Variants in ALS2CL observed in about 807,000 individuals in gnomAD.
The protein encoded by ALS2CL is ALS2 C-terminal like.
ALS2CL carries 112 observed loss-of-function variants against 127.9 expected under a neutral mutation model. The observed-to-expected ratio is 0.88, with a 90% confidence interval of 0.75 to 1.02. The LOEUF (loss-of-function observed/expected upper bound fraction) is 1.02, where lower values mean the gene tolerates loss of function less well. ALS2CL is among the 50% of genes least tolerant of loss of function. The pLI, the probability that ALS2CL is intolerant of heterozygous loss-of-function variation, is 0.00. For missense variants in ALS2CL, 1,174 were observed against 1,236.7 expected (o/e 0.95, Z 0.76); for synonymous variants, 519 against 527.6 (o/e 0.98, Z 0.22).
At chr3:46,672,860 T>C (rs1020831586) in intron 22 of ALS2CL, among the ~76,000 whole-genome samples, 2 of 152,066 alleles carry the variant, frequency 1.3e-5, no homozygotes, top group African/African-American at 4.8e-5. Context: ...CTGGGCATGG[T>C]AGTGAGCACT....
Position 46,670,637 on chromosome 3 carries a change from T to C in ALS2CL, c.*347A>G. 1 of 307,032 alleles carries C rather than the reference T, an allele frequency of 3.3e-6. No homozygotes were observed. Among genetic ancestry groups the C allele is most frequent in the Admixed American group, 3.9e-5 (1 of 25,658 alleles). 19.0% of individuals were successfully genotyped at this position (307,032 alleles called of 1,614,324 possible). On this transcript the variant is annotated 3_prime_UTR_variant, in exon 26 of 26. Transcript: ENST00000318962. This position sits in a 1 kb window ranked among gnomAD's most constrained non-coding sequence, Gnocchi z 5.5. ...CTTTACAGCGTACTCACTCCACCAT[T>C]GTACAGATGGCAGCACTGAGGCCCG...
Position 46,676,841 on chromosome 3 carries a change from G to T in ALS2CL, c.1931+8C>A. The T allele has an allele frequency of 7.7e-7, 1 of 1,301,616 alleles. No homozygotes were observed. The highest frequency in any genetic ancestry group is 1.2e-5 in the South Asian group (1 of 86,008). The allele number at this position is 1,301,616 out of a possible 1,614,324, so 80.6% of individuals were successfully genotyped here. A position where few individuals can be genotyped will look rare whatever the true frequency, so the allele number is the denominator to read the frequency against. On this transcript the variant is annotated splice_region_variant and intron_variant, in intron 17 of 25. Transcript: ENST00000318962. Reference sequence around the variant, plus strand: ...CTAACCTGTGCATGCTCACACAGCCGGCCTCACCTCTCGCAGGACAGGTAA... The same window carrying T: ...CTAACCTGTGCATGCTCACACAGCCTGCCTCACCTCTCGCAGGACAGGTAA...
chr3:46,683,136 TG>T lies in ALS2CL; in HGVS notation c.1102del (p.His368ThrfsTer6). Reference sequence around the variant, plus strand: ...CAGAGCTCCAGCCACTCACTTGCCGTGGGGCCGGCCCCTGCACCACTCGCCC... The same window carrying T: ...CAGAGCTCCAGCCACTCACTTGCCGTGGGCCGGCCCCTGCACCACTCGCCC... ...YEGEWCRGRP[H>X]GKGTLKWPDG... is the part of the protein sequence containing the mutation. On this transcript the variant is annotated frameshift_variant, in exon 10 of 26. Coordinates refer to ENST00000318962, the MANE Select transcript of ALS2CL (RefSeq NM_147129.5). LOFTEE classifies it high-confidence loss of function. 1 of 1,563,818 alleles carries T rather than the reference TG, an allele frequency of 6.4e-7. No homozygotes were observed. The highest frequency in any genetic ancestry group is 8.6e-7 in the Non-Finnish European group (1 of 1,156,462).
intron 22 of ALS2CL, 54 bp from the exon 23 acceptor site, chr3:46,672,255 T>A (rs980041213): frequency 6.9e-6 from 11 of 1,600,830 alleles, no homozygotes; most frequent in Non-Finnish European, 9.4e-6. Flanking sequence ...AGCTCTGACA[T>A]CCCCTCCTTC....
chr3:46,683,591 T>A (rs1699530782), intron 9 of ALS2CL, among the ~76,000 whole-genome samples, 191 bp downstream of exon 9: 1 of 152,192 alleles, frequency 6.6e-6, no homozygotes, highest in Non-Finnish European at 1.5e-5. Context: ...AATTCTGTCT[T>A]TAGAAAGAAA....
intron 19 of ALS2CL, chr3:46,676,021 G>A (rs113191348): frequency 3.2e-5 from 45 of 1,409,796 alleles, no homozygotes; most frequent in African/African-American, 2.7e-4. Context: ...TCAGCCCAGC[G>A]CCTGGTTGGG....
chr3:46,674,853 GCCT>G (rs2106693355), intron 20 of ALS2CL, 114 bp from the exon 21 acceptor site: 3 of 1,056,652 alleles, frequency 2.8e-6, no homozygotes, highest in Admixed American at 3.4e-5. Flanking sequence ...CTGGCCTCCA[GCCT>G]CCTCCTCCCC....
At chr3:46,673,235 CAG>C in intron 22 of ALS2CL, 102 bp downstream of exon 22, 3 of 1,071,344 alleles carry the variant, frequency 2.8e-6, no homozygotes, top group East Asian at 2.9e-5. Flanking sequence ...TGCCCCTCCC[CAG>C]CTCCTCTGCA....
At chr3:46,680,099 C>A (rs559673457) in intron 14 of ALS2CL, 25 of 292,360 alleles carry the variant, frequency 8.6e-5, no homozygotes, top group Non-Finnish European at 1.3e-4. Context: ...GAGCTTAGCC[C>A]AGAGCCAGGT....
At chr3:46,692,749 C>T (rs1700235598) in intron 1 of ALS2CL, among the ~76,000 whole-genome samples, 1 of 152,222 alleles carries the variant, frequency 6.6e-6, no homozygotes, top group Non-Finnish European at 1.5e-5. Flanking sequence ...GGTGAGTCAG[C>T]GGCTGCCCCT....
chr3:46,680,338 C>T, intron 14 of ALS2CL, 92 bp downstream of exon 14: 2 of 1,348,866 alleles, frequency 1.5e-6, no homozygotes, highest in Non-Finnish European at 2.1e-6. Context: ...CCCCCTTTCC[C>T]ATCCCTCCCT....
rs1012295143 is a variant in ALS2CL, at chr3:46,671,830, G to T, written c.2684+54C>A. 6.8e-6 allele frequency: 11 copies of T among 1,606,150 alleles called. No homozygotes were observed. The African/African-American group carries it at 1.5e-4, about 22-fold the overall frequency. On this transcript the variant is annotated intron_variant, in intron 24 of 25. Transcript: ENST00000318962. Reference sequence around the variant, plus strand: ...TTCAGAGGTATCAGAAGATATCGTGGTTGGGGGTGGGACCCTGCCCCTGCC... The same window carrying T: ...TTCAGAGGTATCAGAAGATATCGTGTTTGGGGGTGGGACCCTGCCCCTGCC...
chr3:46,676,824 T>A, intron 17 of ALS2CL, 25 bp downstream of exon 17: 2 of 1,548,874 alleles, frequency 1.3e-6, no homozygotes, highest in Non-Finnish European at 1.8e-6. Context: ...CCCTAACCTG[T>A]GCATGCTCAC....
In ALS2CL at chr3:46,670,192, C is replaced by G. The variant is rs1339200531; in HGVS notation, c.*792G>C. On this transcript the variant is annotated 3_prime_UTR_variant, in exon 26 of 26. Transcript: ENST00000318962. The surrounding 1 kb of genome is among the most constrained non-coding windows in gnomAD (Gnocchi z 5.5). Reference sequence around the variant, plus strand: ...AGCTGCCCCAAGACCCAGCTCCTGCCTCTCTTGGTCCCACACTAGAACCAC... The same window carrying G: ...AGCTGCCCCAAGACCCAGCTCCTGCGTCTCTTGGTCCCACACTAGAACCAC... 1 of 152,216 alleles carries G rather than the reference C, an allele frequency of 6.6e-6. No individual in the cohort carries two copies. The highest frequency in any genetic ancestry group is 1.9e-4 in the East Asian group (1 of 5,196). 9.4% of individuals were successfully genotyped at this position (152,216 alleles called of 1,614,324 possible). A position where few individuals can be genotyped will look rare whatever the true frequency, so the allele number is the denominator to read the frequency against.
Position 46,686,866 on chromosome 3 carries a change from G to C in ALS2CL, c.534+117C>G. On this transcript the variant is annotated intron_variant, in intron 5 of 25. Transcript: ENST00000318962. The surrounding 1 kb of genome is among the most constrained non-coding windows in gnomAD (Gnocchi z 4.3). ...CTTCCTCAACCCTCTCCCACCTGCCGGCATGGCTGAGTCCTTCTTGTACTA... is the reference window on the plus strand; with the variant it reads ...CTTCCTCAACCCTCTCCCACCTGCCCGCATGGCTGAGTCCTTCTTGTACTA... The C allele has an allele frequency of 8.1e-7, 1 of 1,239,226 alleles. No individual in the cohort carries two copies. Among genetic ancestry groups the C allele is most frequent in the Non-Finnish European group, 1.1e-6 (1 of 938,948 alleles). 76.8% of individuals were successfully genotyped at this position (1,239,226 alleles called of 1,614,324 possible). A position where few individuals can be genotyped will look rare whatever the true frequency, so the allele number is the denominator to read the frequency against.
In ALS2CL at chr3:46,680,419, A is replaced by G. The variant is rs199798559; in HGVS notation, c.1548+11T>C. 160 of 1,610,888 alleles carry G rather than the reference A, an allele frequency of 9.9e-5. No homozygotes were observed. The African/African-American group carries it at 2.0e-3, about 20-fold the overall frequency. ...CAAAGAGAGGGATAGCCCAGGATACACTCCACTCACCACCGTCTTGTCCGC... is the reference window on the plus strand; with the variant it reads ...CAAAGAGAGGGATAGCCCAGGATACGCTCCACTCACCACCGTCTTGTCCGC... On this transcript the variant is annotated intron_variant, in intron 14 of 25. Transcript: ENST00000318962.
At chr3:46,675,422 C>T in intron 20 of ALS2CL, 196 bp downstream of exon 20, 1 of 580,552 alleles carries the variant, frequency 1.7e-6, no homozygotes, top group Non-Finnish European at 3.1e-6. Flanking sequence ...TGTAGCAGTG[C>T]CCCCTCCCTG....
In ALS2CL at chr3:46,674,650, C is replaced by T. The variant is rs756010161; in HGVS notation, c.2345G>A (p.Arg782Gln). ...GCCCTGGCTGTAGAAGCTGTCCTCCCGCTCATGAAGCAGCAGGTAGAGCGT... is the reference window on the plus strand; with the variant it reads ...GCCCTGGCTGTAGAAGCTGTCCTCCTGCTCATGAAGCAGCAGGTAGAGCGT... ...LFTLYLLLHE[R>Q]EDSFYSQGIA... Residue 782 changes from arginine to glutamine, a missense_variant, in exon 21 of 26, where the codon CGG (arginine) becomes CAG (glutamine). Physicochemically the swap from Arg to Gln is conservative, Grantham distance 43 (BLOSUM62 1). Coordinates refer to ENST00000318962, the MANE Select transcript of ALS2CL (RefSeq NM_147129.5). The T allele has an allele frequency of 5.6e-6, 9 of 1,614,022 alleles. No homozygotes were observed. Among genetic ancestry groups the T allele is most frequent in the African/African-American group, 2.7e-5 (2 of 74,916 alleles).
intron 9 of ALS2CL, 38 bp downstream of exon 9, chr3:46,683,744 G>A: frequency 6.2e-7 from 1 of 1,608,566 alleles, no homozygotes; most frequent in Non-Finnish European, 8.5e-7. Flanking sequence ...CCTGTCCTCT[G>A]ACCCCGCTCC....
Sources: allele counts gnomAD v4.1 joint callset (sites outside exome capture counted in the v4.1 genomes callset), GRCh38; gene constraint gnomAD v4.1.1; non-coding constraint Gnocchi (gnomAD v3.1); transcripts MANE v1.5; gene names NCBI Gene and HGNC (gene_info 2026-07-23, HGNC 2026-07-21).